Variants in DOCK5 observed in about 807,000 individuals in gnomAD.
The protein encoded by DOCK5 is dedicator of cytokinesis protein 5.
A neutral mutation model predicts 251.8 loss-of-function variants in DOCK5; 142 were observed. That is an observed-to-expected ratio of 0.56 (90% CI 0.49 to 0.65). The LOEUF is 0.65. DOCK5 is among the 30% of genes least tolerant of loss of function. The pLI is 0.00. For missense variants in DOCK5, 2,111 were observed against 2,312.3 expected (o/e 0.91, Z 1.79); for synonymous variants, 842 against 835.5 (o/e 1.01, Z -0.13).
intron 5 of DOCK5, among the ~76,000 whole-genome samples, chr8:25,280,029 T>G (rs1298538096): frequency 1.3e-5 from 2 of 152,164 alleles, no homozygotes; most frequent in Non-Finnish European, 2.9e-5. Context: ...CCTCCCAAAG[T>G]GTTGGGATTA....
intron 5 of DOCK5, among the ~76,000 whole-genome samples, chr8:25,279,828 T>C (rs1332160395): frequency 6.6e-6 from 1 of 151,984 alleles, no homozygotes; most frequent in African/African-American, 2.4e-5. Flanking sequence ...TTTCACCATG[T>C]TGGCCAGGCT....
At position 25,391,980 on chromosome 8, in the gene DOCK5, T is replaced by C. The variant is rs776394893; in HGVS notation, c.4440T>C (p.Ala1480=). The change falls in exon 43 of 52, where the codon GCT becomes GCC. Residue 1480 remains alanine, a splice_region_variant and synonymous_variant. Transcript: ENST00000276440. ...KGEKDPDNEF[A]TMWIERTTYT... is the part of the protein sequence containing the mutation. ...AAAAGGATCCAGACAATGAATTTGC[T>C]GTGAGTTCACCCCTTTTGTCCTTTA... is the stretch of plus-strand genomic sequence containing the variant. 6.8e-6 allele frequency: 11 copies of C among 1,613,568 alleles called. No homozygotes were observed. The highest frequency in any genetic ancestry group is 1.7e-5 in the Admixed American group (1 of 59,964).
At chr8:25,353,036 AG>A (rs528439965) in intron 27 of DOCK5, among the ~76,000 whole-genome samples, 119 of 152,298 alleles carry the variant, frequency 7.8e-4, no homozygotes, top group Non-Finnish European at 1.6e-3. Context: ...CAGAACCTGT[AG>A]GGTGATGGAG....
At chr8:25,328,864 G>T (rs1259971248) in intron 18 of DOCK5, among the ~76,000 whole-genome samples, 1 of 152,178 alleles carries the variant, frequency 6.6e-6, no homozygotes, top group Non-Finnish European at 1.5e-5. Context: ...GTCAGTCATT[G>T]CACCCTCCAG....
intron 1 of DOCK5, among the ~76,000 whole-genome samples, chr8:25,214,411 G>T (rs897124983): frequency 6.6e-6 from 1 of 152,152 alleles, no homozygotes; most frequent in Non-Finnish European, 1.5e-5. Flanking sequence ...GGGCACATGA[G>T]TGGGGAAGCC....
At chr8:25,321,283 A>G (rs1224502694) in intron 16 of DOCK5, among the ~76,000 whole-genome samples, 1 of 152,214 alleles carries the variant, frequency 6.6e-6, no homozygotes, top group Non-Finnish European at 1.5e-5. Context: ...GTGAACACTA[A>G]TATTCTCAAA....
chr8:25,274,242 G>C (rs1803984438), intron 3 of DOCK5, among the ~76,000 whole-genome samples: 1 of 152,098 alleles, frequency 6.6e-6, no homozygotes, highest in Admixed American at 6.6e-5. Context: ...CCGGGCACTG[G>C]GACATCCCCT....
chr8:25,409,943 A>C, intron 50 of DOCK5, 156 bp from the exon 51 acceptor site: 3 of 620,294 alleles, frequency 4.8e-6, no homozygotes, highest in South Asian at 2.1e-5. Flanking sequence ...GATGTGGGGT[A>C]AGAAGTCTTC....
chr8:25,282,061 G>A (rs1484940957), intron 5 of DOCK5, among the ~76,000 whole-genome samples: 1 of 152,166 alleles, frequency 6.6e-6, no homozygotes, highest in East Asian at 1.9e-4. Context: ...TCAGTCGATA[G>A]GACTGAGAAA....
intron 13 of DOCK5, among the ~76,000 whole-genome samples, chr8:25,313,161 G>T (rs529744421): frequency 3.3e-5 from 5 of 152,096 alleles, no homozygotes; most frequent in Admixed American, 6.6e-5. Flanking sequence ...ACGTGAACTC[G>T]TTCCAGTTGC....
chr8:25,329,626 G>A (rs1340304831), intron 18 of DOCK5, among the ~76,000 whole-genome samples: 1 of 152,084 alleles, frequency 6.6e-6, no homozygotes, highest in Admixed American at 6.6e-5. Flanking sequence ...TATGGTTGAA[G>A]ATATTCTTCC....
intron 37 of DOCK5, chr8:25,376,103 GAAAAA>G (rs59845416): frequency 5.4e-6 from 5 of 932,620 alleles, no homozygotes; most frequent in Non-Finnish European, 5.0e-6. Context: ...TGTCTCAAAA[GAAAAA>G]AAAAAAAAAA....
At chr8:25,286,809 G>T (rs1042859553) in intron 5 of DOCK5, among the ~76,000 whole-genome samples, 2 of 151,962 alleles carry the variant, frequency 1.3e-5, no homozygotes, top group African/African-American at 4.8e-5. Context: ...GACCACAGGC[G>T]TGCACCACCA....
Position 25,190,666 on chromosome 8 carries a change from A to G in DOCK5, c.43+5715A>G, listed in dbSNP as rs959244652. ...CACATAGCTAATTAGTTACAGTGCC[A>G]TCTGAGCAAGACAGTGATACTTGTT... is the stretch of plus-strand genomic sequence containing the variant. On this transcript the variant is annotated intron_variant, in intron 1 of 51. Transcript: ENST00000276440. 3.9e-5 allele frequency among the ~76,000 whole-genome samples: 6 copies of G among 151,974 alleles called. No individual in the cohort carries two copies. In the South Asian group the frequency reaches 6.2e-4, roughly 16 times the overall value.
chr8:25,279,347 A>G (rs1226222298), intron 5 of DOCK5, among the ~76,000 whole-genome samples: 4 of 152,232 alleles, frequency 2.6e-5, no homozygotes, highest in Non-Finnish European at 5.9e-5. Flanking sequence ...ATCAGCACCA[A>G]GTAAATCTAG....
chr8:25,195,009 C>T (rs1169051659), intron 1 of DOCK5, among the ~76,000 whole-genome samples: 1 of 152,092 alleles, frequency 6.6e-6, no homozygotes, highest in African/African-American at 2.4e-5. Flanking sequence ...CAACCTCCAC[C>T]TCCTGGGTTC....
chr8:25,248,601 A>G (rs888564024), intron 2 of DOCK5, among the ~76,000 whole-genome samples: 8 of 152,014 alleles, frequency 5.3e-5, no homozygotes, highest in African/African-American at 1.9e-4. Context: ...ATCCACCCAG[A>G]CATGAAACAT....
At chr8:25,195,082 G>C (rs1801688362) in intron 1 of DOCK5, among the ~76,000 whole-genome samples, 1 of 151,688 alleles carries the variant, frequency 6.6e-6, no homozygotes, top group Non-Finnish European at 1.5e-5. Context: ...CACCACACCT[G>C]GCTAATTTTT....
At chr8:25,363,877 C>CT (rs1800731984) in intron 29 of DOCK5, among the ~76,000 whole-genome samples, 1 of 152,152 alleles carries the variant, frequency 6.6e-6, no homozygotes, top group South Asian at 2.1e-4. Context: ...GCGTCACCTC[C>CT]AGAGGAAGCC....
Sources: allele counts gnomAD v4.1 joint callset (sites outside exome capture counted in the v4.1 genomes callset), GRCh38; gene constraint gnomAD v4.1.1; transcripts MANE v1.5; gene names NCBI Gene and HGNC (gene_info 2026-07-23, HGNC 2026-07-21).